PARD3: variants seen among roughly 807,000 people sequenced by gnomAD.
The protein encoded by PARD3 is partitioning defective 3 homolog.
PARD3 carries 75 observed loss-of-function variants against 155.4 expected under a neutral mutation model. The ratio of observed to expected loss-of-function variants is 0.48; its 90% confidence interval spans 0.40 to 0.58. PARD3 has a LOEUF of 0.58. Among genes scored for constraint, PARD3 ranks in the 20% least tolerant of loss-of-function variants. The probability of loss-of-function intolerance (pLI) is 0.00; values close to 1 mark genes in which losing one functional copy is unlikely to be tolerated. For missense variants in PARD3, 1,642 were observed against 1,721.7 expected (o/e 0.95, Z 0.82); for synonymous variants, 576 against 610.5 (o/e 0.94, Z 0.83).
intron 5 of PARD3, among the ~76,000 whole-genome samples, chr10:34,415,943 G>A (rs994854772): frequency 1.3e-5 from 2 of 152,186 alleles, no homozygotes; most frequent in African/African-American, 4.8e-5. Context: ...TAGGAGGACA[G>A]AAGGCATTAA....
chr10:34,614,116 T>C (rs2132647803), intron 2 of PARD3, among the ~76,000 whole-genome samples: 1 of 152,324 alleles, frequency 6.6e-6, no homozygotes, highest in Admixed American at 6.5e-5. Context: ...AAAAAAGTTT[T>C]CCTACTGTAA....
At chr10:34,703,484 T>C (rs1004856483) in intron 1 of PARD3, among the ~76,000 whole-genome samples, 1 of 147,502 alleles carries the variant, frequency 6.8e-6, no homozygotes, top group South Asian at 2.1e-4. Flanking sequence ...ACAAAGAAGA[T>C]AAAAAAGGCT....
chr10:34,146,122 CT>C (rs1948493746), intron 22 of PARD3, among the ~76,000 whole-genome samples: 1 of 152,136 alleles, frequency 6.6e-6, no homozygotes, highest in Non-Finnish European at 1.5e-5. Flanking sequence ...ATTTCTATAT[CT>C]CATTCTGTTT....
At chr10:34,297,652 T>C (rs1956968072) in intron 20 of PARD3, among the ~76,000 whole-genome samples, 1 of 152,164 alleles carries the variant, frequency 6.6e-6, no homozygotes, top group South Asian at 2.1e-4. Context: ...TTTGGTTAAA[T>C]GAAAATGATC....
intron 22 of PARD3, among the ~76,000 whole-genome samples, chr10:34,192,812 C>T (rs558691115): frequency 6.6e-6 from 1 of 152,258 alleles, no homozygotes; most frequent in Non-Finnish European, 1.5e-5. Flanking sequence ...AATCCAAGTA[C>T]CACGTGCCAT....
intron 2 of PARD3, among the ~76,000 whole-genome samples, chr10:34,642,299 C>G (rs1216250475): frequency 6.6e-6 from 1 of 152,130 alleles, no homozygotes; most frequent in Non-Finnish European, 1.5e-5. Context: ...AAGGGCCCAG[C>G]TGTCATGAAT....
intron 22 of PARD3, among the ~76,000 whole-genome samples, chr10:34,133,851 G>C (rs1947746058): frequency 6.6e-6 from 1 of 152,090 alleles, no homozygotes; most frequent in Non-Finnish European, 1.5e-5. Context: ...TAACATATTG[G>C]GAGGGGCCCC....
intron 2 of PARD3, among the ~76,000 whole-genome samples, chr10:34,650,369 T>A (rs2092970100): frequency 6.6e-6 from 1 of 152,198 alleles, no homozygotes; most frequent in Admixed American, 6.5e-5. Context: ...GGGACCATTG[T>A]GGTTTATGTG....
chr10:34,725,137 GTGTGTGTGTGTGTGAC>G (rs2094681475), intron 1 of PARD3, among the ~76,000 whole-genome samples: 1 of 126,236 alleles, frequency 7.9e-6, no homozygotes, highest in African/African-American at 2.6e-5. Context: ...GTGTGTGTGT[GTGTGTGTGTGTGTGAC>G]AGAGAGAGAG....
chr10:34,249,301 C>A (rs923817640), intron 22 of PARD3, among the ~76,000 whole-genome samples: 1 of 152,156 alleles, frequency 6.6e-6, no homozygotes, highest in Non-Finnish European at 1.5e-5. Flanking sequence ...CATGAGCCAG[C>A]ATGCTCAGCC....
At chr10:34,603,705 T>C (rs1053146659) in intron 2 of PARD3, among the ~76,000 whole-genome samples, 2 of 151,584 alleles carry the variant, frequency 1.3e-5, no homozygotes, top group African/African-American at 4.9e-5. Flanking sequence ...AGACAGGGAG[T>C]AGAAGGATCA....
chr10:34,357,862 A>G (rs1399419031), intron 14 of PARD3, among the ~76,000 whole-genome samples: 3 of 152,188 alleles, frequency 2.0e-5, no homozygotes, highest in Admixed American at 2.0e-4. Flanking sequence ...CGTCACCTCT[A>G]TATTGACTAC....
At chr10:34,368,616 G>C (rs898757993) in intron 12 of PARD3, among the ~76,000 whole-genome samples, 2 of 151,976 alleles carry the variant, frequency 1.3e-5, no homozygotes, top group African/African-American at 4.8e-5. Flanking sequence ...AGCTTGCAGT[G>C]AGCCAAGATC....
intron 2 of PARD3, among the ~76,000 whole-genome samples, chr10:34,595,516 T>C (rs2089168652): frequency 1.3e-5 from 2 of 152,200 alleles, no homozygotes; most frequent in Non-Finnish European, 2.9e-5. Context: ...TTTCACTACA[T>C]TTTCTTATCC....
At chr10:34,163,852 G>A (rs1258472414) in intron 22 of PARD3, among the ~76,000 whole-genome samples, 2 of 152,140 alleles carry the variant, frequency 1.3e-5, no homozygotes, top group Non-Finnish European at 2.9e-5. Context: ...GGAGTCCAAT[G>A]AGTAACATTA....
At chr10:34,765,224 T>C (rs894927433) in intron 1 of PARD3, among the ~76,000 whole-genome samples, 14 of 152,134 alleles carry the variant, frequency 9.2e-5, no homozygotes, top group African/African-American at 2.9e-4. Context: ...AAAGCTCAAA[T>C]CTAAGCAAGA....
intron 22 of PARD3, among the ~76,000 whole-genome samples, chr10:34,252,349 C>T (rs1307145619): frequency 6.6e-6 from 1 of 152,118 alleles, no homozygotes; most frequent in Non-Finnish European, 1.5e-5. Context: ...GCTCCTGTGA[C>T]GTCCCAGAAT....
chr10:34,714,983 A>C (rs932776114), intron 1 of PARD3, among the ~76,000 whole-genome samples: 2 of 151,830 alleles, frequency 1.3e-5, no homozygotes, highest in African/African-American at 4.8e-5. Context: ...CATGTTGGCC[A>C]GGATGCTTTC....
At chr10:34,358,629 G>C (rs1189683344) in intron 14 of PARD3, among the ~76,000 whole-genome samples, 3 of 152,184 alleles carry the variant, frequency 2.0e-5, no homozygotes, top group Admixed American at 6.6e-5. Flanking sequence ...GAAGATGGAG[G>C]CTGCAGCGAG....
Sources: allele counts gnomAD v4.1 joint callset (sites outside exome capture counted in the v4.1 genomes callset), GRCh38; gene constraint gnomAD v4.1.1; transcripts MANE v1.5; gene names NCBI Gene and HGNC (gene_info 2026-07-23, HGNC 2026-07-21).